CDT1: variants seen among roughly 807,000 people sequenced by gnomAD.
CDT1 encodes chromatin licensing and DNA replication factor 1.
In CDT1, 66 loss-of-function variants were observed where a neutral mutation model predicts 49.3. The observed-to-expected ratio is 1.34, with a 90% CI of 1.10 to 1.64. The LOEUF (loss-of-function observed/expected upper bound fraction) is 1.64, where lower values mean the gene tolerates loss of function less well. CDT1 is among the 40% of genes most tolerant of loss of function. The pLI, the probability that CDT1 is intolerant of heterozygous loss-of-function variation, is 0.00. For synonymous variants in CDT1, 424 were observed against 347.4 expected (o/e 1.22, Z -2.45); for missense variants, 958 against 807.7 (o/e 1.19, Z -2.26).
rs531159541 is a variant in CDT1 at position 88,807,105 on chromosome 16, G to A, written c.1177G>A (p.Gly393Arg). ...GCGCTCTGCTGCGCCCAGCAGCCCCGGGTCTCCCAGGCCAGCACTGCCGGC... is the reference window on the plus strand; with the variant it reads ...GCGCTCTGCTGCGCCCAGCAGCCCCAGGTCTCCCAGGCCAGCACTGCCGGC... ...ALRSAAPSSPGSPRPALPATP... is the reference protein window; with the variant it reads ...ALRSAAPSSPRSPRPALPATP... Residue 393 changes from glycine to arginine, a missense_variant, in exon 8 of 10, where the codon GGG becomes AGG. Transcript: ENST00000301019. The A allele has an allele frequency of 2.7e-5, 43 of 1,612,782 alleles. No individual in the cohort carries two copies. Among genetic ancestry groups the A allele is most frequent in the African/African-American group, 6.7e-5 (5 of 75,056 alleles).
chr16:88,808,011 C>A (rs773463170), intron 9 of CDT1, 104 bp from the exon 10 acceptor site: 25 of 1,321,700 alleles, frequency 1.9e-5, no homozygotes, highest in Non-Finnish European at 2.3e-5. Context: ...GCCCTGAGGG[C>A]GACCAGGCAG....
chr16:88,807,284 C>A lies in CDT1; in HGVS notation c.1279C>A (p.Arg427=). 1 of 1,612,072 alleles carries A rather than the reference C, an allele frequency of 6.2e-7. No individual in the cohort carries two copies. The highest frequency in any genetic ancestry group is 1.7e-4 in the Middle Eastern group (1 of 6,058). ...GVSQDLLERI[R]AKEAQKQLAQ... is the part of the protein sequence containing the mutation. ...CAGGTCCCGGTACCTGCTGCAGATCCGAGCCAAGGAGGCACAGAAGCAGCT... is the reference window on the plus strand; with the variant it reads ...CAGGTCCCGGTACCTGCTGCAGATCAGAGCCAAGGAGGCACAGAAGCAGCT... The change falls in exon 9 of 10, where the codon CGA becomes AGA. Residue 427 remains arginine (R), a synonymous_variant. Coordinates refer to ENST00000301019, the MANE Select transcript of CDT1 (RefSeq NM_030928.4).
intron 8 of CDT1, 32 bp downstream of exon 8, chr16:88,807,235 C>G: frequency 6.2e-6 from 10 of 1,611,026 alleles, no homozygotes; most frequent in Non-Finnish European, 8.5e-6. Flanking sequence ...CGGGTGGGCG[C>G]CTGGTGACCT....
intron 8 of CDT1, 23 bp from the exon 9 acceptor site, chr16:88,807,258 C>A: frequency 6.2e-7 from 1 of 1,611,688 alleles, no homozygotes; most frequent in Non-Finnish European, 8.5e-7. Context: ...TGCCCACTAA[C>A]CAGGTCCCGG....
intron 9 of CDT1, 88 bp downstream of exon 9, chr16:88,807,570 G>A: frequency 2.4e-6 from 3 of 1,260,762 alleles, no homozygotes; most frequent in East Asian, 5.0e-5. Flanking sequence ...AGAGGTGTCT[G>A]TCACTGATCT....
rs1908755722 is a variant in CDT1, at chr16:88,804,139, G to A, written c.228+80G>A. 12 of 932,392 alleles carry A rather than the reference G, an allele frequency of 1.3e-5. No homozygotes were observed. The South Asian group carries it at 2.5e-4, about 19-fold the overall frequency. The allele number at this position is 932,392 out of a possible 1,614,324, so 57.8% of individuals were successfully genotyped here. On this transcript the variant is annotated intron_variant, in intron 1 of 9. Coordinates refer to ENST00000301019, the MANE Select transcript of CDT1 (RefSeq NM_030928.4). Reference sequence around the variant, plus strand: ...CCGGGGGGCAGGGCTCGGGGAAACTGAGGCGGAGGGACGGGGGCGGGGAAA... The same window carrying A: ...CCGGGGGGCAGGGCTCGGGGAAACTAAGGCGGAGGGACGGGGGCGGGGAAA...
rs1481794311 is a variant in CDT1, at chr16:88,806,274, G to A, written c.933+153G>A. 4.1e-6 allele frequency: 4 copies of A among 987,512 alleles called. No individual in the cohort carries two copies. The East Asian group carries it at 1.0e-4, about 26-fold the overall frequency. 61.2% of individuals were successfully genotyped at this position (987,512 alleles called of 1,614,324 possible). On this transcript the variant is annotated intron_variant, in intron 6 of 9. Coordinates refer to ENST00000301019, the MANE Select transcript of CDT1 (RefSeq NM_030928.4). ...TGAGCTGAGGGCTGGTGTGCTCAGG[G>A]TGCAGCCGCAGGCACTGAGGAGGTC...
rs906819599 is a variant in CDT1 at position 88,809,107 on chromosome 16, G to A, written c.*829G>A. The A allele has an allele frequency of 7.8e-5, 19 of 242,222 alleles. No individual in the cohort carries two copies. The highest frequency in any genetic ancestry group is 1.4e-4 in the African/African-American group (6 of 44,070). 15.0% of individuals were successfully genotyped at this position (242,222 alleles called of 1,614,324 possible). A position where few individuals can be genotyped will look rare whatever the true frequency, so the allele number is the denominator to read the frequency against. ...GCCAGAGCCAGCCAGCTTTGAAGACGCGGCCCTGCCCCGACACAGGCAGCC... is the reference window on the plus strand; with the variant it reads ...GCCAGAGCCAGCCAGCTTTGAAGACACGGCCCTGCCCCGACACAGGCAGCC... On this transcript the variant is annotated 3_prime_UTR_variant, in exon 10 of 10. Transcript: ENST00000301019.
At position 88,808,589 on chromosome 16, in the gene CDT1, T is replaced by C. The variant is rs1478070257; in HGVS notation, c.*311T>C. ...GGGCCATCGGGAGTGTGGCTGGGGG[T>C]GAAGGGGGCTCTGTGGCAATATGGG... On this transcript the variant is annotated 3_prime_UTR_variant, in exon 10 of 10. Coordinates refer to ENST00000301019, the MANE Select transcript of CDT1 (RefSeq NM_030928.4). 3 of 440,168 alleles carry C rather than the reference T, an allele frequency of 6.8e-6. No homozygotes were observed. Among genetic ancestry groups the C allele is most frequent in the African/African-American group, 2.0e-5 (1 of 49,848 alleles). 27.3% of individuals were successfully genotyped at this position (440,168 alleles called of 1,614,324 possible).
chr16:88,803,881 C>T lies in CDT1; in HGVS notation c.50C>T (p.Pro17Leu), dbSNP rs1222100253. 1.6e-5 allele frequency: 24 copies of T among 1,468,436 alleles called. No homozygotes were observed. Among genetic ancestry groups the T allele is most frequent in the East Asian group, 9.1e-5 (3 of 33,072 alleles). 91.0% of individuals were successfully genotyped at this position (1,468,436 alleles called of 1,614,324 possible). ...TTCTTCGCGCGCCGCCGCCCCGGGC[C>T]CCCCCGCATCGCGCCGCCCAAGCTG... ...TDFFARRRPG[P>L]PRIAPPKLAC... The change falls in exon 1 of 10, where the codon CCC (proline) becomes CTC (leucine). Residue 17 changes from proline to leucine, a missense_variant. Pro to Leu is a moderately conservative substitution (Grantham distance 98). Transcript: ENST00000301019.
chr16:88,808,500 T>G lies in CDT1; in HGVS notation c.*222T>G. On this transcript the variant is annotated 3_prime_UTR_variant, in exon 10 of 10. Transcript: ENST00000301019. Reference sequence around the variant, plus strand: ...CCTGGTGGATTCACATTAAACCGGTTTCTGTGGGCACCTCTGTCCTTGCTG... The same window carrying G: ...CCTGGTGGATTCACATTAAACCGGTGTCTGTGGGCACCTCTGTCCTTGCTG... 5.3e-5 allele frequency: 30 copies of G among 569,832 alleles called. No individual in the cohort carries two copies. Among genetic ancestry groups the G allele is most frequent in the Non-Finnish European group, 6.5e-5 (21 of 321,864 alleles). 35.3% of individuals were successfully genotyped at this position (569,832 alleles called of 1,614,324 possible). A position where few individuals can be genotyped will look rare whatever the true frequency, so the allele number is the denominator to read the frequency against.
chr16:88,804,436 C>T, intron 1 of CDT1, 109 bp from the exon 2 acceptor site: 1 of 1,404,900 alleles, frequency 7.1e-7, no homozygotes, highest in Non-Finnish European at 9.8e-7. Flanking sequence ...GCCCCCCAGC[C>T]ATGCCCGTCC....
rs146199695 is a variant in CDT1, at chr16:88,807,477, G to A, written c.1472G>A (p.Ser491Asn). The change falls in exon 9 of 10, where the codon AGC becomes AAC. Residue 491 changes from serine (S) to asparagine (N), a missense_variant. Ser to Asn is a conservative substitution (Grantham distance 46). Transcript: ENST00000301019. The part of the protein sequence containing the change: ...RMVGSCCTIM[S>N]PGEMEKHLLL... ...GTGGGCAGCTGTTGTACTATCATGA[G>A]CCCTGGTACGTGCAGGGCGGGGTGA... 1.1e-3 allele frequency: 1,725 copies of A among 1,612,922 alleles called. 15 individuals are homozygous for A. In the African/African-American group the frequency reaches 0.02, roughly 19 times the overall value.
chr16:88,807,457 C>T lies in CDT1; in HGVS notation c.1452C>T (p.Gly484=). Residue 484 remains glycine (G), a synonymous_variant, in exon 9 of 10, where the codon GGC becomes GGT. Coordinates refer to ENST00000301019, the MANE Select transcript of CDT1 (RefSeq NM_030928.4). ...AGGTGGCCTGTGCCAGGATGGTGGG[C>T]AGCTGTTGTACTATCATGAGCCCTG... ...SMEVACARMV[G]SCCTIMSPGE... The T allele has an allele frequency of 6.2e-7, 1 of 1,613,114 alleles. No individual in the cohort carries two copies. Among genetic ancestry groups the T allele is most frequent in the Non-Finnish European group, 8.5e-7 (1 of 1,179,934 alleles).
chr16:88,809,228 A>AACTCTAAT lies in CDT1; in HGVS notation c.*952_*959dup, dbSNP rs1298397013. 2 of 350,188 alleles carry AACTCTAAT rather than the reference A, an allele frequency of 5.7e-6. 1 individual carries two copies. The highest frequency in any genetic ancestry group is 1.5e-4 in the East Asian group (2 of 13,268). The allele number at this position is 350,188 out of a possible 1,614,324, so 21.7% of individuals were successfully genotyped here. ...TGACTTCAGTATTTCTGACCTCCTAAACTCTAATAAAGTCATGCTTACAGC... is the reference window on the plus strand; with the variant it reads ...TGACTTCAGTATTTCTGACCTCCTAAACTCTAATACTCTAATAAAGTCATGCTTACAGC... On this transcript the variant is annotated 3_prime_UTR_variant, in exon 10 of 10. Transcript: ENST00000301019.
chr16:88,806,141 G>A lies in CDT1; in HGVS notation c.933+20G>A, dbSNP rs746525783. On this transcript the variant is annotated intron_variant, in intron 6 of 9. Coordinates refer to ENST00000301019, the MANE Select transcript of CDT1 (RefSeq NM_030928.4). ...CACAAGGTGAGCGGCCCCCGGCCCC[G>A]CTGTGTGAAGATGGTGGCACCAGCA... The A allele has an allele frequency of 5.0e-5, 78 of 1,561,912 alleles. No homozygotes were observed. The highest frequency in any genetic ancestry group is 1.7e-4 in the Middle Eastern group (1 of 6,030).
At position 88,803,959 on chromosome 16, in the gene CDT1, C is replaced by T. The variant is rs1908747927; in HGVS notation, c.128C>T (p.Ala43Val). 1.4e-6 allele frequency: 2 copies of T among 1,426,084 alleles called. No individual in the cohort carries two copies. Among genetic ancestry groups the T allele is most frequent in the Admixed American group, 2.7e-5 (1 of 37,120 alleles). 88.3% of individuals were successfully genotyped at this position (1,426,084 alleles called of 1,614,324 possible). ...ARPALRAPASATSGSRKRARP... is the reference protein window; with the variant it reads ...ARPALRAPASVTSGSRKRARP... ...CCCGCACTCCGCGCCCCGGCCTCCG[C>T]TACCAGTGGCAGCCGCAAGCGCGCC... Residue 43 changes from alanine to valine, a missense_variant, in exon 1 of 10, where the codon GCT becomes GTT. By Grantham distance (64) the Ala-to-Val change is moderately conservative (BLOSUM62 0). Coordinates refer to ENST00000301019, the MANE Select transcript of CDT1 (RefSeq NM_030928.4).
rs765560782 is a variant in CDT1, at chr16:88,807,131, T to C, written c.1203T>C (p.Ala401=). Residue 401 remains alanine, a synonymous_variant, in exon 8 of 10, where the codon GCT becomes GCC. Transcript: ENST00000301019. The stretch of plus-strand genomic sequence containing the variant: ...GGTCTCCCAGGCCAGCACTGCCGGC[T>C]ACCCCACCAGCCACCCCGCCTGCAG... ...SPGSPRPALP[A]TPPATPPAAS... 14 of 1,612,378 alleles carry C rather than the reference T, an allele frequency of 8.7e-6. No individual in the cohort carries two copies. Among genetic ancestry groups the C allele is most frequent in the Middle Eastern group, 1.6e-4 (1 of 6,078 alleles).
intron 3 of CDT1, 85 bp from the exon 4 acceptor site, chr16:88,805,355 A>G: frequency 1.3e-6 from 2 of 1,489,176 alleles, no homozygotes; most frequent in Non-Finnish European, 9.2e-7. Flanking sequence ...GCCCCATCGG[A>G]GGGTCTCCCT....
Sources: gnomAD v4.1 joint callset for allele counts on GRCh38, gnomAD v4.1.1 for gene constraint, MANE v1.5 for transcripts, NCBI Gene and HGNC (gene_info 2026-07-23, HGNC 2026-07-21) for gene names.